The following TRAF3IP3 variants were observed in gnomAD, a reference collection of about 807,000 sequenced individuals.
The protein encoded by TRAF3IP3 is TRAF3-interacting JNK-activating modulator.
A neutral mutation model predicts 86.5 loss-of-function variants in TRAF3IP3; 64 were observed. That is an observed-to-expected ratio of 0.74 (90% confidence interval 0.60 to 0.91). The LOEUF is 0.91. Ranked by LOEUF, TRAF3IP3 falls within the 40% of genes least tolerant of loss-of-function variation. TRAF3IP3 has a pLI of 0.00. For synonymous variants in TRAF3IP3, 220 were observed against 243.9 expected (o/e 0.90, Z 0.91); for missense variants, 579 against 642.9 (o/e 0.90, Z 1.07).
rs34221252 is a variant in TRAF3IP3 at position 209,779,170 on chromosome 1, T to TC, written c.1253-144dup. 4,227 of 638,884 alleles carry TC rather than the reference T, an allele frequency of 6.6e-3. 118 individuals are homozygous for TC. The African/African-American group carries it at 0.067, about 10-fold the overall frequency. 39.6% of individuals were successfully genotyped at this position (638,884 alleles called of 1,614,324 possible). ...ATTTAAGGTACTGAGGGTTAGGACT[T>TC]CAACATATATATTCTGGGGGACAAA... On this transcript the variant is annotated intron_variant, in intron 13 of 16. Coordinates refer to ENST00000367025, the MANE Select transcript of TRAF3IP3 (RefSeq NM_025228.4).
At chr1:209,771,707 ATG>A (rs1558022145) in intron 8 of TRAF3IP3, among the ~76,000 whole-genome samples, 1 of 102,428 alleles carries the variant, frequency 9.8e-6, no homozygotes, top group East Asian at 3.2e-4. Context: ...GTGGAGGTGT[ATG>A]TGTGCAGGTG....
rs544408933 is a variant in TRAF3IP3, at chr1:209,781,421, G to A, written c.1526G>A (p.Arg509Gln). 1.1e-4 allele frequency: 179 copies of A among 1,613,272 alleles called. No individual in the cohort carries two copies. Among genetic ancestry groups the A allele is most frequent in the Admixed American group, 2.2e-4 (13 of 59,968 alleles). The change falls in exon 16 of 17, where the codon CGA (arginine) becomes CAA (glutamine). Residue 509 changes from arginine to glutamine, a missense_variant. Transcript: ENST00000367025. Reference protein sequence around the residue: ...LSCLRKLQHCREELNQSQQLP... With the variant: ...LSCLRKLQHCQEELNQSQQLP... ...TGCCTGCGTAAGCTGCAGCACTGTC[G>A]AGAAGAGCTGAACCAGAGCCAGCAG...
At chr1:209,779,494 C>T (rs779181041) in intron 14 of TRAF3IP3, 120 bp downstream of exon 14, 2 of 849,466 alleles carry the variant, frequency 2.4e-6, no homozygotes, top group South Asian at 2.8e-5. Context: ...CTGTTAAGTC[C>T]GGGATGTGTG....
intron 15 of TRAF3IP3, 192 bp from the exon 16 acceptor site, chr1:209,781,153 A>G (rs991145143): frequency 2.3e-6 from 1 of 435,002 alleles, no homozygotes; most frequent in Non-Finnish European, 4.2e-6. Flanking sequence ...CATTACTGTC[A>G]ATCATTTAAA....
chr1:209,762,860 C>T lies in TRAF3IP3; in HGVS notation c.541C>T (p.Gln181Ter). 2 of 1,614,198 alleles carry T rather than the reference C, an allele frequency of 1.2e-6. No homozygotes were observed. The highest frequency in any genetic ancestry group is 1.7e-6 in the Non-Finnish European group (2 of 1,180,040). The stretch of plus-strand genomic sequence containing the variant: ...ACCAACAATTAAGAACGATGCCAGT[C>T]AGCAAACCAAGTGAGTTCCTGACCC... ...EGPTIKNDAS[Q>*]QTNYGVAVLD... The change falls in exon 5 of 17, where the codon CAG becomes TAG. Residue 181 changes from glutamine to a stop codon, truncating the protein, a stop_gained. Coordinates refer to ENST00000367025, the MANE Select transcript of TRAF3IP3 (RefSeq NM_025228.4). LOFTEE classifies it high-confidence loss of function.
chr1:209,767,323 T>C (rs1029441042), intron 8 of TRAF3IP3, among the ~76,000 whole-genome samples: 3 of 152,180 alleles, frequency 2.0e-5, no homozygotes, highest in African/African-American at 4.8e-5. Context: ...CTTAGCAATG[T>C]CTGGCTCATC....
At chr1:209,770,497 G>A (rs1466848938) in intron 8 of TRAF3IP3, among the ~76,000 whole-genome samples, 3 of 150,280 alleles carry the variant, frequency 2.0e-5, no homozygotes, top group African/African-American at 7.4e-5. Context: ...AAGTGTGCGT[G>A]TGCATGTGAA....
chr1:209,758,468 G>T (rs1424773649), intron 1 of TRAF3IP3: 1 of 152,234 alleles, frequency 6.6e-6, no homozygotes, highest in Non-Finnish European at 1.5e-5. Flanking sequence ...GGAATGAGTG[G>T]TAGGATCAGA....
In TRAF3IP3 at chr1:209,781,340, C is replaced by T; in HGVS notation, c.1450-5C>T. 6.3e-7 allele frequency: 1 copy of T among 1,589,984 alleles called. No homozygotes were observed. The highest frequency in any genetic ancestry group is 8.6e-7 in the Non-Finnish European group (1 of 1,159,004). ...CAGTGATGACTTTGGTGATGTTCTC[C>T]CCAGTGCAGAGAACTGCATTCAGAA... On this transcript the variant is annotated splice_polypyrimidine_tract_variant and splice_region_variant and intron_variant, in intron 15 of 16. Transcript: ENST00000367025.
intron 8 of TRAF3IP3, among the ~76,000 whole-genome samples, chr1:209,768,973 G>A (rs2077410621): frequency 6.6e-6 from 1 of 152,180 alleles, no homozygotes; most frequent in Non-Finnish European, 1.5e-5. Context: ...AAGTGGCTAT[G>A]GTAAATTGTC....
intron 1 of TRAF3IP3, chr1:209,758,542 G>A (rs1250869463): frequency 6.6e-6 from 1 of 152,206 alleles, no homozygotes; most frequent in African/African-American, 2.4e-5. Flanking sequence ...CCAGTAAAGG[G>A]GCAGAGAGTC....
At chr1:209,762,685 T>C in intron 4 of TRAF3IP3, 23 bp downstream of exon 4, 1 of 1,577,736 alleles carries the variant, frequency 6.3e-7, no homozygotes, top group East Asian at 2.2e-5. Context: ...CCTCCCTCAC[T>C]CCACAGGGCC....
Position 209,781,331 on chromosome 1 carries a change from G to T in TRAF3IP3, c.1450-14G>T, listed in dbSNP as rs2077774385. 1 of 1,579,792 alleles carries T rather than the reference G, an allele frequency of 6.3e-7. No individual in the cohort carries two copies. On this transcript the variant is annotated splice_polypyrimidine_tract_variant and intron_variant, in intron 15 of 16. Coordinates refer to ENST00000367025, the MANE Select transcript of TRAF3IP3 (RefSeq NM_025228.4). ...CAGAAGTGACAGTGATGACTTTGGT[G>T]ATGTTCTCCCCAGTGCAGAGAACTG...
intron 8 of TRAF3IP3, among the ~76,000 whole-genome samples, chr1:209,770,748 TGTGCAGGTGGAGGTGTGC>T (rs2077466525): frequency 6.9e-6 from 1 of 143,938 alleles, no homozygotes; most frequent in African/African-American, 2.6e-5. Context: ...GAGGTGTGCG[TGTGCAGGTGGAGGTGTGC>T]GTGTGCCTAT....
chr1:209,765,776 C>A (rs780379548), intron 8 of TRAF3IP3, among the ~76,000 whole-genome samples: 1 of 152,148 alleles, frequency 6.6e-6, no homozygotes, highest in Non-Finnish European at 1.5e-5. Context: ...AAAAAAAAGA[C>A]AGCTAGCTTC....
At position 209,762,511 on chromosome 1, in the gene TRAF3IP3, C is replaced by G; in HGVS notation, c.346-4C>G. The G allele has an allele frequency of 6.9e-7, 1 of 1,447,306 alleles. No individual in the cohort carries two copies. The highest frequency in any genetic ancestry group is 2.4e-5 in the East Asian group (1 of 42,024). The allele number at this position is 1,447,306 out of a possible 1,614,324, so 89.7% of individuals were successfully genotyped here. A position where few individuals can be genotyped will look rare whatever the true frequency, so the allele number is the denominator to read the frequency against. On this transcript the variant is annotated splice_polypyrimidine_tract_variant and splice_region_variant and intron_variant, in intron 3 of 16. Coordinates refer to ENST00000367025, the MANE Select transcript of TRAF3IP3 (RefSeq NM_025228.4). Reference sequence around the variant, plus strand: ...GTTTTCAGCATTCCCCACTTGCCTTCCAGGTGACAGGCACCAGCTCTGAAG... The same window carrying G: ...GTTTTCAGCATTCCCCACTTGCCTTGCAGGTGACAGGCACCAGCTCTGAAG...
chr1:209,763,221 T>C (rs1024335401), intron 6 of TRAF3IP3, 129 bp downstream of exon 6: 1 of 1,376,366 alleles, frequency 7.3e-7, no homozygotes, highest in African/African-American at 1.4e-5. Context: ...GTACTGAGCA[T>C]AGACATGGGG....
intron 3 of TRAF3IP3, 83 bp from the exon 4 acceptor site, chr1:209,762,432 T>TA (rs750457498): frequency 1.5e-6 from 2 of 1,355,464 alleles, no homozygotes; most frequent in Non-Finnish European, 1.9e-6. Context: ...ACATGATGGT[T>TA]AGTTCTTCCT....
chr1:209,766,627 G>T (rs2077361702), intron 8 of TRAF3IP3, among the ~76,000 whole-genome samples: 2 of 152,232 alleles, frequency 1.3e-5, no homozygotes. Flanking sequence ...ACTTTGGGAG[G>T]CCAAGGCAGG....
Sources: allele counts gnomAD v4.1 joint callset (sites outside exome capture counted in the v4.1 genomes callset), GRCh38; gene constraint gnomAD v4.1.1; transcripts MANE v1.5; gene names NCBI Gene and HGNC (gene_info 2026-07-23, HGNC 2026-07-21).